The following DYNC1LI1 variants were observed in gnomAD, a reference collection of about 807,000 sequenced individuals.
DYNC1LI1 encodes dynein cytoplasmic 1 light intermediate chain 1, also known as cytoplasmic dynein 1 light intermediate chain 1.
In DYNC1LI1, 19 loss-of-function variants were observed where a neutral mutation model predicts 63.8. The ratio of observed to expected loss-of-function variants is 0.30; its 90% confidence interval spans 0.21 to 0.44. The LOEUF is 0.44. Ranked by LOEUF, DYNC1LI1 falls within the 20% of genes least tolerant of loss-of-function variation. DYNC1LI1 has a pLI of 1.00. For missense variants in DYNC1LI1, 565 were observed against 630.2 expected (o/e 0.90, Z 1.11); for synonymous variants, 225 against 232.3 (o/e 0.97, Z 0.28).
At chr3:32,546,752 G>A (rs1252064605) in intron 2 of DYNC1LI1, among the ~76,000 whole-genome samples, 2 of 152,104 alleles carry the variant, frequency 1.3e-5, no homozygotes, top group Admixed American at 6.6e-5. Context: ...ACAGGGAACT[G>A]TGACCTTTAG....
At chr3:32,538,292 G>A (rs1330840610) in intron 5 of DYNC1LI1, among the ~76,000 whole-genome samples, 1 of 149,478 alleles carries the variant, frequency 6.7e-6, no homozygotes, top group Non-Finnish European at 1.5e-5. Flanking sequence ...ATTATGAGGA[G>A]CATTTCATTG....
In DYNC1LI1 at chr3:32,545,095, A is replaced by C. The variant is rs752487138; in HGVS notation, c.349T>G (p.Cys117Gly). 2 of 1,605,830 alleles carry C rather than the reference A, an allele frequency of 1.2e-6. No individual in the cohort carries two copies. Among genetic ancestry groups the C allele is most frequent in the Non-Finnish European group, 8.5e-7 (1 of 1,172,514 alleles). The part of the protein sequence containing the change: ...HDEDRDDQTR[C>G]NVWILDGDLY... Reference sequence around the variant, plus strand: ...TCTCCATCTAAGATCCAAACATTACATCTTGTTTGATCTACAACAGACAAA... The same window carrying C: ...TCTCCATCTAAGATCCAAACATTACCTCTTGTTTGATCTACAACAGACAAA... The change falls in exon 4 of 13, where the codon TGT becomes GGT. Residue 117 changes from cysteine to glycine, a missense_variant. Transcript: ENST00000273130.
chr3:32,561,023 A>AC lies in DYNC1LI1; in HGVS notation c.220+9322_220+9323insG, dbSNP rs1559444445. ...GTCTCAAAAAAAAAAAAAAAAAAAA[A>AC]AAAAAAAAAACAAACAAAAAAAACA... On this transcript the variant is annotated intron_variant, in intron 2 of 12. Coordinates refer to ENST00000273130, the MANE Select transcript of DYNC1LI1 (RefSeq NM_016141.4). 2.0e-3 allele frequency among the ~76,000 whole-genome samples: 285 copies of AC among 141,144 alleles called. 11 individuals are homozygous for AC. Among genetic ancestry groups the AC allele is most frequent in the African/African-American group, 7.8e-3 (264 of 34,038 alleles). 92.6% of individuals were successfully genotyped at this position (141,144 alleles called of 152,430 possible).
chr3:32,558,362 T>A (rs1366269352), intron 2 of DYNC1LI1, among the ~76,000 whole-genome samples: 2 of 144,172 alleles, frequency 1.4e-5, no homozygotes, highest in African/African-American at 5.2e-5. Flanking sequence ...TGGGTCTCTG[T>A]CACACATTTT....
Position 32,529,544 on chromosome 3 carries a change from C to A in DYNC1LI1, c.1302G>T (p.Met434Ile), listed in dbSNP as rs753131248. Residue 434 changes from methionine (M) to isoleucine (I), a missense_variant, in exon 11 of 13, where the codon ATG (methionine) becomes ATT (isoleucine). Physicochemically the swap from Met to Ile is conservative, Grantham distance 10 (BLOSUM62 1). Transcript: ENST00000273130. ...PAGSKKIDPN[M>I]KAGATSEGVL... The stretch of plus-strand genomic sequence containing the variant: ...ATCTCCTAGAAAGAGATGTACCTTT[C>A]ATGTTTGGATCAATTTTTTTTGACC... 10 of 1,605,552 alleles carry A rather than the reference C, an allele frequency of 6.2e-6. No homozygotes were observed. The African/African-American group carries it at 1.2e-4, about 19-fold the overall frequency.
intron 2 of DYNC1LI1, among the ~76,000 whole-genome samples, chr3:32,553,689 C>T (rs1698074335): frequency 6.6e-6 from 1 of 152,302 alleles, no homozygotes; most frequent in Middle Eastern, 3.4e-3. Context: ...TTACAGAGTG[C>T]CTACCTGCAA....
chr3:32,545,390 T>G (rs1697938653), intron 3 of DYNC1LI1: 1 of 448,770 alleles, frequency 2.2e-6, no homozygotes, highest in African/African-American at 2.0e-5. Context: ...AACCAGAGGA[T>G]GCATAACTTG....
At chr3:32,545,815 G>T in intron 3 of DYNC1LI1, 34 bp downstream of exon 3, 1 of 1,463,510 alleles carries the variant, frequency 6.8e-7, no homozygotes. Context: ...CCTCAAAATA[G>T]ACTTCAGAAA....
rs368924830 is a variant in DYNC1LI1, at chr3:32,545,283, G to A, written c.338-177C>T. ...TTTAAAGGCCGAAAATGACTTAACT[G>A]CCAGTAAAGTTCAACTGTTTAGGCC... On this transcript the variant is annotated intron_variant, in intron 3 of 12. Coordinates refer to ENST00000273130, the MANE Select transcript of DYNC1LI1 (RefSeq NM_016141.4). 3.2e-4 allele frequency: 195 copies of A among 601,450 alleles called. 1 individual carries two copies. The highest frequency in any genetic ancestry group is 1.3e-3 in the Middle Eastern group (3 of 2,266). 37.3% of individuals were successfully genotyped at this position (601,450 alleles called of 1,614,324 possible).
intron 11 of DYNC1LI1, 91 bp from the exon 12 acceptor site, chr3:32,528,692 T>A: frequency 8.0e-7 from 1 of 1,255,566 alleles, no homozygotes; most frequent in Non-Finnish European, 1.1e-6. Context: ...AGAAAATGAA[T>A]AAACTTAAAT....
chr3:32,528,349 C>T, intron 12 of DYNC1LI1, 97 bp downstream of exon 12: 3 of 1,421,706 alleles, frequency 2.1e-6, no homozygotes, highest in Non-Finnish European at 2.9e-6. Flanking sequence ...AGCAAAGATA[C>T]CAAAACCACA....
chr3:32,534,455 C>T (rs1697748129), intron 7 of DYNC1LI1, 56 bp downstream of exon 7: 5 of 1,290,212 alleles, frequency 3.9e-6, no homozygotes, highest in Middle Eastern at 2.6e-4. Context: ...TAATGATTCA[C>T]CATCAAATAG....
chr3:32,527,240 T>C (rs555334444), intron 12 of DYNC1LI1, among the ~76,000 whole-genome samples: 5 of 152,144 alleles, frequency 3.3e-5, no homozygotes, highest in East Asian at 3.9e-4. Context: ...GAGGTTGCAG[T>C]GAGCTGAGAT....
chr3:32,556,203 G>T (rs140681172), intron 2 of DYNC1LI1, among the ~76,000 whole-genome samples: 9 of 152,246 alleles, frequency 5.9e-5, no homozygotes, highest in Non-Finnish European at 1.3e-4. Context: ...CCTCACCTGG[G>T]AGAACGCTAT....
intron 2 of DYNC1LI1, among the ~76,000 whole-genome samples, chr3:32,546,963 G>A (rs1004935515): frequency 1.3e-5 from 2 of 152,172 alleles, no homozygotes; most frequent in Non-Finnish European, 2.9e-5. Context: ...AGGCTAACTA[G>A]GCCAGGCGCG....
chr3:32,542,314 C>T (rs1697893109), intron 4 of DYNC1LI1, among the ~76,000 whole-genome samples: 1 of 151,986 alleles, frequency 6.6e-6, no homozygotes, highest in South Asian at 2.1e-4. Context: ...GTTGCCCAGG[C>T]TGGTCTCAAA....
intron 2 of DYNC1LI1, among the ~76,000 whole-genome samples, chr3:32,547,656 C>T (rs1697974677): frequency 1.3e-5 from 2 of 152,134 alleles, no homozygotes; most frequent in African/African-American, 4.8e-5. Context: ...CAGTCAATTC[C>T]ATATTCAACT....
chr3:32,533,110 A>G lies in DYNC1LI1; in HGVS notation c.969-13T>C. 2 of 1,585,000 alleles carry G rather than the reference A, an allele frequency of 1.3e-6. No homozygotes were observed. The highest frequency in any genetic ancestry group is 8.5e-7 in the Non-Finnish European group (1 of 1,172,880). On this transcript the variant is annotated splice_polypyrimidine_tract_variant and intron_variant, in intron 7 of 12. Transcript: ENST00000273130. ...CCACCCTGCTGGACTGGAAAGAAAT[A>G]CATATGATAAATTCTCAAGCATTTA...
chr3:32,539,898 T>A lies in DYNC1LI1; in HGVS notation c.738+1139A>T, dbSNP rs111604718. Among the ~76,000 whole-genome samples, 17 of 151,208 alleles carry A rather than the reference T, an allele frequency of 1.1e-4. No homozygotes were observed. The East Asian group carries it at 3.3e-3, about 30-fold the overall frequency. On this transcript the variant is annotated intron_variant, in intron 5 of 12. Transcript: ENST00000273130. Reference sequence around the variant, plus strand: ...ATTTAATTTTGAGACAGAGTCTCACTCTGTAGCCCAGGTTGGGGTGCAGTG... The same window carrying A: ...ATTTAATTTTGAGACAGAGTCTCACACTGTAGCCCAGGTTGGGGTGCAGTG...
Sources: gnomAD v4.1 joint callset for allele counts (sites outside exome capture counted in the v4.1 genomes callset) on GRCh38, gnomAD v4.1.1 for gene constraint, MANE v1.5 for transcripts, NCBI Gene and HGNC (gene_info 2026-07-23, HGNC 2026-07-21) for gene names.